ITPK1: variants seen among roughly 807,000 people sequenced by gnomAD.
ITPK1 encodes inositol 1,3,4-trisphosphate 5/6-kinase.
ITPK1 carries 21 observed loss-of-function variants against 45.3 expected under a neutral mutation model. That is an observed-to-expected ratio of 0.46 (90% confidence interval 0.33 to 0.67). The LOEUF (loss-of-function observed/expected upper bound fraction) is 0.67, where lower values mean the gene tolerates loss of function less well. ITPK1 is among the 30% of genes least tolerant of loss of function. The probability of loss-of-function intolerance (pLI) is 0.02; values close to 1 mark genes in which losing one functional copy is unlikely to be tolerated. For synonymous variants in ITPK1, 258 were observed against 253.6 expected (o/e 1.02, Z -0.16); for missense variants, 474 against 573.5 (o/e 0.83, Z 1.77).
At chr14:93,048,944 G>C (rs1889898402) in intron 3 of ITPK1, among the ~76,000 whole-genome samples, 1 of 152,030 alleles carries the variant, frequency 6.6e-6, no homozygotes, top group Non-Finnish European at 1.5e-5. Flanking sequence ...GCAAGACTCT[G>C]TCTCAAAAAA....
intron 3 of ITPK1, among the ~76,000 whole-genome samples, chr14:93,055,789 G>A (rs970124466): frequency 6.6e-6 from 1 of 151,862 alleles, no homozygotes; most frequent in African/African-American, 2.4e-5. Context: ...ACCACTCCCC[G>A]GGCAGAGAGT....
chr14:93,108,496 C>T (rs953825692), intron 2 of ITPK1, among the ~76,000 whole-genome samples: 2 of 152,206 alleles, frequency 1.3e-5, no homozygotes, highest in Non-Finnish European at 2.9e-5. Context: ...GATGCCCATC[C>T]TGCCATGCAG....
chr14:93,015,149 G>T (rs75087824), intron 4 of ITPK1, among the ~76,000 whole-genome samples: 2,880 of 152,286 alleles, frequency 0.019, 99 homozygotes, highest in African/African-American at 0.065. Flanking sequence ...TAGGTTGGAG[G>T]CAGAGAGGAA....
At chr14:92,982,419 C>A (rs1277926867) in intron 5 of ITPK1, among the ~76,000 whole-genome samples, 1 of 152,122 alleles carries the variant, frequency 6.6e-6, no homozygotes, top group African/African-American at 2.4e-5. Context: ...GGCCGCCTTG[C>A]AAGTAGAGGG....
intron 3 of ITPK1, among the ~76,000 whole-genome samples, chr14:93,017,543 G>C (rs1190410946): frequency 6.6e-6 from 1 of 152,208 alleles, no homozygotes. Context: ...CCCAAGACAG[G>C]AGCACCTGCC....
intron 3 of ITPK1, among the ~76,000 whole-genome samples, chr14:93,035,821 G>A (rs529977155): frequency 1.8e-4 from 27 of 152,320 alleles, no homozygotes; most frequent in Middle Eastern, 3.4e-3. Context: ...CTGGACCAGA[G>A]CCTCCTGCTT....
chr14:92,993,405 G>A (rs1254881881), intron 5 of ITPK1, among the ~76,000 whole-genome samples: 2 of 152,204 alleles, frequency 1.3e-5, no homozygotes, highest in African/African-American at 4.8e-5. Context: ...GGCAGGGGAG[G>A]CGCCGCAGTG....
At chr14:93,035,817 C>A (rs965520968) in intron 3 of ITPK1, among the ~76,000 whole-genome samples, 1 of 152,192 alleles carries the variant, frequency 6.6e-6, no homozygotes, top group Non-Finnish European at 1.5e-5. Flanking sequence ...CGGTCTGGAC[C>A]AGAGCCTCCT....
At chr14:92,951,910 A>G (rs1277675347) in intron 9 of ITPK1, 36 bp downstream of exon 9, 1 of 1,526,478 alleles carries the variant, frequency 6.6e-7, no homozygotes, top group Non-Finnish European at 8.9e-7. Context: ...ACGGGAGGGC[A>G]GTTTCAGGCC....
chr14:93,029,810 T>G, intron 3 of ITPK1, among the ~76,000 whole-genome samples: 1 of 152,124 alleles, frequency 6.6e-6, no homozygotes, highest in East Asian at 1.9e-4. Context: ...TCACAGACAC[T>G]GACCCTCCCA....
chr14:92,959,938 T>C (rs1453186449), intron 7 of ITPK1, among the ~76,000 whole-genome samples: 1 of 152,124 alleles, frequency 6.6e-6, no homozygotes, highest in African/African-American at 2.4e-5. Flanking sequence ...TGCTGCCCTA[T>C]CTAAAGCCAG....
intron 3 of ITPK1, among the ~76,000 whole-genome samples, chr14:93,043,255 C>G (rs1889637557): frequency 6.6e-6 from 1 of 152,170 alleles, no homozygotes; most frequent in Non-Finnish European, 1.5e-5. Context: ...CAAGATCACA[C>G]AGCTAAGGAG....
Position 92,993,994 on chromosome 14 carries a change from A to C in ITPK1, c.250T>G (p.Tyr84Asp), listed in dbSNP as rs1434430473. Residue 84 changes from tyrosine to aspartate, a missense_variant, in exon 5 of 11, where the codon TAC (tyrosine) becomes GAC (aspartate). Tyr to Asp is a radical substitution (Grantham distance 160). Transcript: ENST00000267615. ...SLELVHRFQEYIDAHPETIVL... is the reference protein window; with the variant it reads ...SLELVHRFQEDIDAHPETIVL... ...ATGGTCTCAGGGTGGGCATCGATGTACTCCTGAAAGGGAAGCATGCTGCTC... is the reference window on the plus strand; with the variant it reads ...ATGGTCTCAGGGTGGGCATCGATGTCCTCCTGAAAGGGAAGCATGCTGCTC... The C allele has an allele frequency of 1.2e-6, 2 of 1,607,652 alleles. No homozygotes were observed. Among genetic ancestry groups the C allele is most frequent in the Non-Finnish European group, 1.7e-6 (2 of 1,174,392 alleles).
chr14:92,971,082 T>C (rs575218585), intron 5 of ITPK1, among the ~76,000 whole-genome samples: 1 of 152,234 alleles, frequency 6.6e-6, no homozygotes, highest in South Asian at 2.1e-4. Flanking sequence ...TCCTCCAACA[T>C]GGGTCAGGCA....
intron 5 of ITPK1, among the ~76,000 whole-genome samples, chr14:92,971,313 C>G (rs1885641999): frequency 6.6e-6 from 1 of 152,206 alleles, no homozygotes; most frequent in South Asian, 2.1e-4. Context: ...GTCTCAGTTA[C>G]CTCACTATGC....
chr14:92,993,173 G>A (rs1479960115), intron 5 of ITPK1, among the ~76,000 whole-genome samples: 2 of 152,382 alleles, frequency 1.3e-5, no homozygotes, highest in Admixed American at 1.3e-4. Context: ...CACAAAGCCG[G>A]AGGGCCCAGG....
chr14:92,937,453 T>A lies in ITPK1; in HGVS notation c.*4108A>T, dbSNP rs1289402215. 1 of 152,048 alleles carries A rather than the reference T, an allele frequency of 6.6e-6. No individual in the cohort carries two copies. Among genetic ancestry groups the A allele is most frequent in the Non-Finnish European group, 1.5e-5 (1 of 68,016 alleles). 9.4% of individuals were successfully genotyped at this position (152,048 alleles called of 1,614,324 possible). On this transcript the variant is annotated 3_prime_UTR_variant, in exon 11 of 11. Coordinates refer to ENST00000267615, the MANE Select transcript of ITPK1 (RefSeq NM_014216.6). ...TCCCTCCACACCACCAGGTCACAGA[T>A]GACTCTTGAAGGGAAAATGTAATCA...
chr14:93,037,931 A>C (rs561651400), intron 3 of ITPK1, among the ~76,000 whole-genome samples: 1 of 152,270 alleles, frequency 6.6e-6, no homozygotes, highest in African/African-American at 2.4e-5. Context: ...TTTGTATTAC[A>C]TAACGTACTC....
chr14:93,020,018 G>A (rs1403331167), intron 3 of ITPK1, among the ~76,000 whole-genome samples: 1 of 152,200 alleles, frequency 6.6e-6, no homozygotes, highest in African/African-American at 2.4e-5. Context: ...GCTGCCCGCC[G>A]GGGCCTGAGG....
Sources: gnomAD v4.1 joint callset for allele counts (sites outside exome capture counted in the v4.1 genomes callset) on GRCh38, gnomAD v4.1.1 for gene constraint, MANE v1.5 for transcripts, NCBI Gene and HGNC (gene_info 2026-07-23, HGNC 2026-07-21) for gene names.